The following SND1 variants were observed in gnomAD, a reference collection of about 807,000 sequenced individuals.
The protein encoded by SND1 is staphylococcal nuclease and tudor domain containing 1, also known as staphylococcal nuclease domain-containing protein 1.
A neutral mutation model predicts 121.7 loss-of-function variants in SND1; 38 were observed. That is an observed-to-expected ratio of 0.31 (90% CI 0.24 to 0.41). SND1 has a LOEUF of 0.41. Ranked by LOEUF, SND1 falls within the 10% of genes least tolerant of loss-of-function variation. SND1 has a pLI of 1.00. For synonymous variants in SND1, 401 were observed against 447.4 expected (o/e 0.90, Z 1.31); for missense variants, 868 against 1,184.6 (o/e 0.73, Z 3.92).
At chr7:128,060,386 A>T (rs1793211103) in intron 16 of SND1, among the ~76,000 whole-genome samples, 1 of 152,226 alleles carries the variant, frequency 6.6e-6, no homozygotes. Flanking sequence ...GAGATTGGTG[A>T]CATGGAAGCA....
At chr7:127,788,318 G>T (rs867050192) in intron 10 of SND1, among the ~76,000 whole-genome samples, 1 of 152,186 alleles carries the variant, frequency 6.6e-6, no homozygotes, top group South Asian at 2.1e-4. Flanking sequence ...TTGAGTCCCT[G>T]TTGGAGACAA....
intron 10 of SND1, among the ~76,000 whole-genome samples, chr7:127,793,478 A>G (rs1384651677): frequency 6.6e-6 from 1 of 152,134 alleles, no homozygotes; most frequent in Non-Finnish European, 1.5e-5. Context: ...TTTTTAATGA[A>G]TTGTAGAAAT....
intron 15 of SND1, among the ~76,000 whole-genome samples, chr7:127,931,053 A>G (rs911079432): frequency 2.0e-5 from 3 of 152,186 alleles, no homozygotes; most frequent in Non-Finnish European, 4.4e-5. Flanking sequence ...AACCACAGTC[A>G]TATAAGATGG....
chr7:127,976,567 G>T (rs1159598419), intron 15 of SND1, among the ~76,000 whole-genome samples: 1 of 152,196 alleles, frequency 6.6e-6, no homozygotes, highest in Non-Finnish European at 1.5e-5. Flanking sequence ...CTGTCCACTG[G>T]CCACAGTGGT....
chr7:127,736,961 G>T lies in SND1; in HGVS notation c.1152+15561G>T, dbSNP rs188244713. Among the ~76,000 whole-genome samples, 213 of 152,224 alleles carry T rather than the reference G, an allele frequency of 1.4e-3. 1 individual carries two copies. The highest frequency in any genetic ancestry group is 5.0e-3 in the African/African-American group (209 of 41,524). On this transcript the variant is annotated intron_variant, in intron 10 of 23. Coordinates refer to ENST00000354725, the MANE Select transcript of SND1 (RefSeq NM_014390.4). ...TTTGGCCGATAAGCTGCTCTGTCGG[G>T]TACTTCTACAGTGCACTTGTGAGTA... is the stretch of plus-strand genomic sequence containing the variant.
At chr7:127,676,501 C>T (rs1795618547) in intron 1 of SND1, among the ~76,000 whole-genome samples, 1 of 152,162 alleles carries the variant, frequency 6.6e-6, no homozygotes, top group Non-Finnish European at 1.5e-5. Flanking sequence ...CCGTTAGCCA[C>T]ACCATCTGAG....
chr7:127,676,929 A>T (rs1426952366), intron 1 of SND1, among the ~76,000 whole-genome samples: 1 of 152,154 alleles, frequency 6.6e-6, no homozygotes, highest in Non-Finnish European at 1.5e-5. Flanking sequence ...TTTAGTAGAG[A>T]TGGGGTTTCA....
intron 16 of SND1, among the ~76,000 whole-genome samples, chr7:128,032,786 C>G (rs1266056837): frequency 6.6e-6 from 1 of 152,184 alleles, no homozygotes; most frequent in Admixed American, 6.5e-5. Flanking sequence ...TGCACTGCCG[C>G]CAGCCCCTCC....
intron 11 of SND1, among the ~76,000 whole-genome samples, chr7:127,829,992 C>T (rs1212878314): frequency 3.3e-5 from 5 of 152,174 alleles, no homozygotes; most frequent in African/African-American, 1.2e-4. Flanking sequence ...TGAACTGGTA[C>T]ACCTTAAAAT....
chr7:127,712,051 T>C (rs1796307667), intron 9 of SND1, among the ~76,000 whole-genome samples: 1 of 152,176 alleles, frequency 6.6e-6, no homozygotes, highest in Non-Finnish European at 1.5e-5. Context: ...TATTAGAGGC[T>C]TTCCTCAGAT....
chr7:128,041,059 C>T (rs1425610090), intron 16 of SND1, among the ~76,000 whole-genome samples: 2 of 152,142 alleles, frequency 1.3e-5, no homozygotes, highest in African/African-American at 4.8e-5. Context: ...GAAATGTGGG[C>T]TTGAACTTTG....
chr7:127,794,558 T>G (rs1053464005), intron 10 of SND1, among the ~76,000 whole-genome samples: 1 of 152,254 alleles, frequency 6.6e-6, no homozygotes, highest in African/African-American at 2.4e-5. Context: ...CAAAATGATA[T>G]TATCCTCTGA....
At chr7:127,758,915 A>G (rs570687872) in intron 10 of SND1, among the ~76,000 whole-genome samples, 6 of 152,260 alleles carry the variant, frequency 3.9e-5, no homozygotes, top group African/African-American at 1.4e-4. Flanking sequence ...TTAGCTGGGC[A>G]TGGTGGTGCA....
chr7:127,812,379 G>A (rs1798349679), intron 11 of SND1, among the ~76,000 whole-genome samples: 1 of 152,170 alleles, frequency 6.6e-6, no homozygotes, highest in Non-Finnish European at 1.5e-5. Flanking sequence ...ATGTCCCTGT[G>A]AAGTTGTGTT....
At chr7:128,009,270 C>G (rs1486368834) in intron 16 of SND1, among the ~76,000 whole-genome samples, 1 of 152,184 alleles carries the variant, frequency 6.6e-6, no homozygotes, top group Admixed American at 6.5e-5. Context: ...GGGTTAGGGC[C>G]TGGTGAGCCT....
At chr7:128,021,925 T>C (rs1283440240) in intron 16 of SND1, among the ~76,000 whole-genome samples, 1 of 152,060 alleles carries the variant, frequency 6.6e-6, no homozygotes, top group Non-Finnish European at 1.5e-5. Flanking sequence ...AGGTGGGGGC[T>C]GGGTACAGTG....
intron 10 of SND1, among the ~76,000 whole-genome samples, chr7:127,783,119 C>T (rs1464844974): frequency 4.6e-5 from 7 of 152,202 alleles, no homozygotes; most frequent in Non-Finnish European, 5.9e-5. Flanking sequence ...CACATGCCTT[C>T]TGAGGATTGC....
At chr7:127,684,992 T>G (rs879597430) in intron 1 of SND1, among the ~76,000 whole-genome samples, 5 of 152,184 alleles carry the variant, frequency 3.3e-5, no homozygotes, top group African/African-American at 4.8e-5. Context: ...AAATGAATTG[T>G]GATATATTCG....
At chr7:127,839,187 G>A (rs183129773) in intron 11 of SND1, among the ~76,000 whole-genome samples, 12 of 152,208 alleles carry the variant, frequency 7.9e-5, no homozygotes, top group African/African-American at 2.4e-5. Flanking sequence ...AAATGGTGTC[G>A]TCTTTTCAGT....
Sources: gnomAD v4.1 joint callset for allele counts (sites outside exome capture counted in the v4.1 genomes callset) on GRCh38, gnomAD v4.1.1 for gene constraint, MANE v1.5 for transcripts, NCBI Gene and HGNC (gene_info 2026-07-23, HGNC 2026-07-21) for gene names.